Variants in PTPN14 observed in about 807,000 individuals in gnomAD.
The protein encoded by PTPN14 is protein tyrosine phosphatase non-receptor type 14.
In PTPN14, 53 loss-of-function variants were observed where a neutral mutation model predicts 126.8. The ratio of observed to expected loss-of-function variants is 0.42; its 90% CI spans 0.34 to 0.53. PTPN14 has a LOEUF of 0.53. Among genes scored for constraint, PTPN14 ranks in the 20% least tolerant of loss-of-function variants. The pLI is 0.08. For synonymous variants in PTPN14, 630 were observed against 599.3 expected, an observed-to-expected ratio of 1.05 and a Z score of -0.75; for missense variants, 1,257 against 1,552.9, an observed-to-expected ratio of 0.81 and a Z score of 3.20.
rs759414342 is a variant in PTPN14 at position 214,401,677 on chromosome 1, C to T, written c.669+8G>A. The stretch of plus-strand genomic sequence containing the variant: ...AGGTTAAAGCCAGCACAGGGCACAG[C>T]ATATTACCTTTACAGGGAAGATTTC... On this transcript the variant is annotated splice_region_variant and intron_variant, in intron 7 of 18. Transcript: ENST00000366956. 3.9e-6 allele frequency: 6 copies of T among 1,546,816 alleles called. No individual in the cohort carries two copies. In the African/African-American group the frequency reaches 8.2e-5, roughly 21 times the overall value.
intron 11 of PTPN14, among the ~76,000 whole-genome samples, chr1:214,390,188 T>C (rs984771118): frequency 1.3e-5 from 2 of 152,194 alleles, no homozygotes; most frequent in Admixed American, 6.5e-5. Flanking sequence ...TTTGATTTTG[T>C]GTAAAAAAAT....
chr1:214,430,271 A>C (rs1275845768), intron 3 of PTPN14, among the ~76,000 whole-genome samples: 3 of 152,180 alleles, frequency 2.0e-5, no homozygotes, highest in Non-Finnish European at 4.4e-5. Context: ...GGGAGAGATA[A>C]CAGGCTTATA....
Position 214,364,694 on chromosome 1 carries a change from A to G in PTPN14, c.3272-19T>C, listed in dbSNP as rs747781967. The G allele has an allele frequency of 5.7e-5, 91 of 1,603,732 alleles. No individual in the cohort carries two copies. Among genetic ancestry groups the G allele is most frequent in the Admixed American group, 1.2e-4 (7 of 59,180 alleles). ...AAGTAGGCTGCAGGACAAAATGCAA[A>G]TTCTGTCACCAAAGTCCTCCATGGC... On this transcript the variant is annotated intron_variant, in intron 17 of 18. Coordinates refer to ENST00000366956, the MANE Select transcript of PTPN14 (RefSeq NM_005401.5). The surrounding 1 kb of genome is among the most constrained non-coding windows in gnomAD (Gnocchi z 4.1).
At chr1:214,361,331 C>T (rs542928222) in intron 18 of PTPN14, among the ~76,000 whole-genome samples, 20 of 152,322 alleles carry the variant, frequency 1.3e-4, no homozygotes, top group African/African-American at 4.8e-4. Flanking sequence ...TCCTCCACCA[C>T]CACATCCTCC....
In PTPN14 at chr1:214,364,493, G is replaced by A. The variant is rs759606123; in HGVS notation, c.3435+19C>T. The A allele has an allele frequency of 1.2e-6, 2 of 1,611,736 alleles. No homozygotes were observed. The highest frequency in any genetic ancestry group is 8.5e-7 in the Non-Finnish European group (1 of 1,178,726). On this transcript the variant is annotated intron_variant, in intron 18 of 18. Transcript: ENST00000366956. The surrounding 1 kb of genome is among the most constrained non-coding windows in gnomAD (Gnocchi z 4.1). ...GTCCCCAAGGTGGAGTATCCGGAGA[G>A]AAGCCCAGAATGACTCACTTCGTTA...
intron 3 of PTPN14, among the ~76,000 whole-genome samples, chr1:214,440,518 T>C (rs1278584856): frequency 6.6e-6 from 1 of 152,234 alleles, no homozygotes; most frequent in Non-Finnish European, 1.5e-5. Context: ...GACAGGGACA[T>C]ATAATCTAGC....
intron 12 of PTPN14, among the ~76,000 whole-genome samples, chr1:214,386,261 GT>G (rs1367029046): frequency 3.9e-5 from 6 of 152,268 alleles, no homozygotes; most frequent in African/African-American, 1.4e-4. Flanking sequence ...AATGTTAGTT[GT>G]TATCATGGAG....
intron 3 of PTPN14, among the ~76,000 whole-genome samples, chr1:214,448,321 C>G (rs965872562): frequency 5.3e-5 from 8 of 152,128 alleles, no homozygotes; most frequent in African/African-American, 1.9e-4. Flanking sequence ...AGCTCCGCCT[C>G]CCAGGTTCAC....
chr1:214,365,370 A>T (rs961695658), intron 17 of PTPN14, among the ~76,000 whole-genome samples: 2 of 152,144 alleles, frequency 1.3e-5, no homozygotes, highest in Admixed American at 6.5e-5. Flanking sequence ...GGGTGCGTTC[A>T]TGACTCCAAT....
chr1:214,469,396 C>T (rs1441568506), intron 1 of PTPN14, among the ~76,000 whole-genome samples: 1 of 152,124 alleles, frequency 6.6e-6, no homozygotes, highest in African/African-American at 2.4e-5. Flanking sequence ...AGCAAAATAT[C>T]CACTATAAAA....
At chr1:214,387,021 A>C (rs1236473199) in intron 11 of PTPN14, 99 bp from the exon 12 acceptor site, 1 of 1,129,200 alleles carries the variant, frequency 8.9e-7, no homozygotes, top group Non-Finnish European at 1.3e-6. Context: ...CCACGTTGTA[A>C]GGGAGGCTCG....
intron 1 of PTPN14, among the ~76,000 whole-genome samples, chr1:214,544,661 G>A (rs1655922920): frequency 1.3e-5 from 2 of 151,980 alleles, no homozygotes; most frequent in South Asian, 4.2e-4. Context: ...TGAGGTAGGA[G>A]AATCGCTTGA....
intron 1 of PTPN14, chr1:214,530,341 T>TC (rs1558143958): frequency 1.4e-5 from 2 of 148,034 alleles, no homozygotes; most frequent in African/African-American, 5.0e-5. Context: ...TCTTTTCTTT[T>TC]TTTTTTTTTT....
intron 1 of PTPN14, chr1:214,528,630 T>C (rs1655459742): frequency 6.6e-6 from 1 of 152,080 alleles, no homozygotes. Context: ...TTGAGATACT[T>C]TAAGAACTGA....
chr1:214,414,600 T>G (rs1223399321), intron 4 of PTPN14, 29 bp downstream of exon 4: 1 of 1,581,374 alleles, frequency 6.3e-7, no homozygotes, highest in East Asian at 2.2e-5. Flanking sequence ...AAAATGGAAT[T>G]TCACATGCTG....
At chr1:214,513,705 T>C (rs1558136802) in intron 1 of PTPN14, among the ~76,000 whole-genome samples, 1 of 152,196 alleles carries the variant, frequency 6.6e-6, no homozygotes, top group Non-Finnish European at 1.5e-5. Flanking sequence ...CATCTGCTAC[T>C]GCTAGCTGTG....
At chr1:214,510,215 G>A (rs765433511) in intron 1 of PTPN14, among the ~76,000 whole-genome samples, 5 of 152,066 alleles carry the variant, frequency 3.3e-5, no homozygotes, top group African/African-American at 4.8e-5. Context: ...CATCTTATGT[G>A]GCACAGTTTG....
At chr1:214,480,394 T>G (rs74142713) in intron 1 of PTPN14, among the ~76,000 whole-genome samples, 3 of 152,324 alleles carry the variant, frequency 2.0e-5, no homozygotes, top group Non-Finnish European at 2.9e-5. Context: ...ATAGCTTTTT[T>G]CTCTTACTGG....
intron 3 of PTPN14, among the ~76,000 whole-genome samples, chr1:214,435,694 T>C (rs1489887893): frequency 6.6e-6 from 1 of 152,074 alleles, no homozygotes; most frequent in Non-Finnish European, 1.5e-5. Context: ...AAAACCACCA[T>C]GAGGTATACA....
Sources: allele counts gnomAD v4.1 joint callset (sites outside exome capture counted in the v4.1 genomes callset), GRCh38; gene constraint gnomAD v4.1.1; non-coding constraint Gnocchi (gnomAD v3.1); transcripts MANE v1.5; gene names NCBI Gene and HGNC (gene_info 2026-07-23, HGNC 2026-07-21).